The following TXNDC17 variants were observed in gnomAD, a reference collection of about 807,000 sequenced individuals.
The protein encoded by TXNDC17 is thioredoxin domain-containing protein 17.
In TXNDC17, 12 loss-of-function variants were observed where a neutral mutation model predicts 16.3. That is an observed-to-expected ratio of 0.74 (90% confidence interval 0.47 to 1.19). The LOEUF is 1.19. Ranked by LOEUF, TXNDC17 falls within the 50% of genes most tolerant of loss-of-function variation. The pLI, the probability that TXNDC17 is intolerant of heterozygous loss-of-function variation, is 0.00. For missense variants in TXNDC17, 158 were observed against 149.7 expected, an observed-to-expected ratio of 1.06 and a Z score of -0.29; for synonymous variants, 62 against 55.0, an observed-to-expected ratio of 1.13 and a Z score of -0.56.
chr17:6,644,075 G>C lies in TXNDC17; in HGVS notation c.*1056G>C, dbSNP rs1972732425. ...AGTAGAGTGGTAGAGTAGTTGATCT[G>C]AGACAGTAAGGTTCCAGGAGATGGT... On this transcript the variant is annotated 3_prime_UTR_variant, in exon 4 of 4. Coordinates refer to ENST00000250101, the MANE Select transcript of TXNDC17 (RefSeq NM_032731.4). 2.5e-6 allele frequency: 1 copy of C among 407,554 alleles called. No homozygotes were observed. The allele number at this position is 407,554 out of a possible 1,614,324, so 25.2% of individuals were successfully genotyped here. A position where few individuals can be genotyped will look rare whatever the true frequency, so the allele number is the denominator to read the frequency against.
rs755423824 is a variant in TXNDC17, at chr17:6,642,339, A to G, written c.303+15A>G. The G allele has an allele frequency of 1.3e-6, 2 of 1,544,466 alleles. No individual in the cohort carries two copies. Among genetic ancestry groups the G allele is most frequent in the South Asian group, 1.2e-5 (1 of 85,770 alleles). On this transcript the variant is annotated intron_variant, in intron 3 of 3. Coordinates refer to ENST00000250101, the MANE Select transcript of TXNDC17 (RefSeq NM_032731.4). Reference sequence around the variant, plus strand: ...AGTATGGAACAGTAAGTATCTTTAAATATGCTGGGCCTGTAATTCACTGTC... The same window carrying G: ...AGTATGGAACAGTAAGTATCTTTAAGTATGCTGGGCCTGTAATTCACTGTC...
chr17:6,641,177 C>T lies in TXNDC17; in HGVS notation c.95C>T (p.Thr32Met). 1 of 1,613,752 alleles carries T rather than the reference C, an allele frequency of 6.2e-7. No homozygotes were observed. ...HNGKTIFAYF[T>M]GSKDAGGKSW... ...GGCAAGACCATTTTCGCCTACTTTA[C>T]GGGTTCTAAGGACGCCGGGGGGAAA... is the stretch of plus-strand genomic sequence containing the variant. Residue 32 changes from threonine to methionine, a missense_variant, in exon 1 of 4, where the codon ACG becomes ATG. Coordinates refer to ENST00000250101, the MANE Select transcript of TXNDC17 (RefSeq NM_032731.4).
rs973512283 is a variant in TXNDC17 at position 6,641,399 on chromosome 17, C to T, written c.145+172C>T. 89 of 979,304 alleles carry T rather than the reference C, an allele frequency of 9.1e-5. No homozygotes were observed. The Middle Eastern group carries it at 9.9e-4, about 11-fold the overall frequency. 60.7% of individuals were successfully genotyped at this position (979,304 alleles called of 1,614,324 possible). ...ATCCTACCCCGCCCTGCCAAGAGCG[C>T]TCTTCCTTTTACCACCTTACCCGGA... On this transcript the variant is annotated intron_variant, in intron 1 of 3. Coordinates refer to ENST00000250101, the MANE Select transcript of TXNDC17 (RefSeq NM_032731.4).
intron 2 of TXNDC17, 110 bp downstream of exon 2, chr17:6,641,944 C>A: frequency 1.1e-6 from 1 of 947,656 alleles, no homozygotes; most frequent in South Asian, 1.4e-5. Flanking sequence ...TAATGTCTGA[C>A]AAGTTAAACA....
At chr17:6,642,371 CTT>C (rs750425396) in intron 3 of TXNDC17, 47 bp downstream of exon 3, 4 of 1,289,642 alleles carry the variant, frequency 3.1e-6, no homozygotes, top group Non-Finnish European at 3.3e-6. Flanking sequence ...TGTCAGAACT[CTT>C]TTAACTTGCT....
intron 3 of TXNDC17, chr17:6,642,654 C>T (rs911866850): frequency 2.2e-6 from 1 of 457,388 alleles, no homozygotes; most frequent in Non-Finnish European, 3.9e-6. Context: ...AGTCATGCCC[C>T]TGGGATCCTA....
intron 1 of TXNDC17, chr17:6,641,534 G>A (rs1972666985): frequency 6.3e-6 from 4 of 636,314 alleles, no homozygotes; most frequent in Non-Finnish European, 8.1e-6. Context: ...TGTTACGGGC[G>A]CGGTGGTGCA....
At position 6,643,137 on chromosome 17, in the gene TXNDC17, A is replaced by G. The variant is rs72835775; in HGVS notation, c.*118A>G. 0.09 allele frequency: 75,780 copies of G among 843,952 alleles called. 3,946 individuals carry two copies. The highest frequency in any genetic ancestry group is 0.11 in the Non-Finnish European group (55,012 of 518,892). 52.3% of individuals were successfully genotyped at this position (843,952 alleles called of 1,614,324 possible). A position where few individuals can be genotyped will look rare whatever the true frequency, so the allele number is the denominator to read the frequency against. ...ATGTTAAAAAAACTGGCATGTGTCT[A>G]AACAATAGAGTGCTATTAAAATGCC... On this transcript the variant is annotated 3_prime_UTR_variant, in exon 4 of 4. Transcript: ENST00000250101.
At chr17:6,641,897 G>A in intron 2 of TXNDC17, 63 bp downstream of exon 2, 4 of 1,453,466 alleles carry the variant, frequency 2.8e-6, no homozygotes, top group Non-Finnish European at 3.9e-6. Flanking sequence ...GGCGGGAAGG[G>A]CCTCAGGGAC....
intron 3 of TXNDC17, chr17:6,642,714 T>TGGAGC: frequency 1.9e-6 from 1 of 533,276 alleles, no homozygotes. Context: ...CTGTCTCCTG[T>TGGAGC]TTTAGTCTGT....
chr17:6,643,267 G>T lies in TXNDC17; in HGVS notation c.*248G>T. 1 of 379,568 alleles carries T rather than the reference G, an allele frequency of 2.6e-6. No homozygotes were observed. The highest frequency in any genetic ancestry group is 4.8e-6 in the Non-Finnish European group (1 of 209,484). The allele number at this position is 379,568 out of a possible 1,614,324, so 23.5% of individuals were successfully genotyped here. A position where few individuals can be genotyped will look rare whatever the true frequency, so the allele number is the denominator to read the frequency against. On this transcript the variant is annotated 3_prime_UTR_variant, in exon 4 of 4. Transcript: ENST00000250101. ...AAGGAACGTATTCTTGAAGGTGACG[G>T]AAATACCTAAAAACTCCTAAAGGTG...
At chr17:6,642,890 C>T in intron 3 of TXNDC17, 61 bp from the exon 4 acceptor site, 2 of 1,256,182 alleles carry the variant, frequency 1.6e-6, no homozygotes, top group Non-Finnish European at 2.3e-6. Flanking sequence ...AGGCAGAACT[C>T]ATTCCACTCC....
rs745412643 is a variant in TXNDC17 at position 6,644,498 on chromosome 17, T to C, written c.*1479T>C. The stretch of plus-strand genomic sequence containing the variant: ...TCCCGATGTGTTATTTTGCTGTTGC[T>C]GCTCTGCCAAGGCTTGCTGAAGGCG... On this transcript the variant is annotated 3_prime_UTR_variant, in exon 4 of 4. Coordinates refer to ENST00000250101, the MANE Select transcript of TXNDC17 (RefSeq NM_032731.4). 2 of 1,606,114 alleles carry C rather than the reference T, an allele frequency of 1.2e-6. No individual in the cohort carries two copies. The highest frequency in any genetic ancestry group is 4.5e-5 in the East Asian group (2 of 44,818).
intron 3 of TXNDC17, 194 bp downstream of exon 3, chr17:6,642,518 T>G (rs1431975228): frequency 3.9e-6 from 2 of 510,888 alleles, no homozygotes; most frequent in Non-Finnish European, 7.0e-6. Flanking sequence ...GTCTTTTTCA[T>G]GTTAAGTCAC....
intron 3 of TXNDC17, 131 bp from the exon 4 acceptor site, chr17:6,642,820 A>G (rs1299326598): frequency 7.4e-6 from 5 of 676,900 alleles, no homozygotes; most frequent in Non-Finnish European, 1.0e-5. Context: ...AAAACTTGTT[A>G]TAACTAGATG....
At chr17:6,641,984 T>C in intron 2 of TXNDC17, 150 bp downstream of exon 2, 1 of 779,180 alleles carries the variant, frequency 1.3e-6, no homozygotes, top group African/African-American at 1.7e-5. Context: ...AAATTTAAAA[T>C]GCCCACCTGA....
Position 6,641,163 on chromosome 17 carries a change from T to A in TXNDC17, c.81T>A (p.Ile27=). 1 of 1,613,756 alleles carries A rather than the reference T, an allele frequency of 6.2e-7. No homozygotes were observed. ...RAVEQHNGKT[I]FAYFTGSKDA... Reference sequence around the variant, plus strand: ...TGGAACAGCACAATGGCAAGACCATTTTCGCCTACTTTACGGGTTCTAAGG... The same window carrying A: ...TGGAACAGCACAATGGCAAGACCATATTCGCCTACTTTACGGGTTCTAAGG... The change falls in exon 1 of 4, where the codon ATT becomes ATA. Residue 27 remains isoleucine (I), a synonymous_variant. Transcript: ENST00000250101.
chr17:6,642,428 ATTG>A (rs1450507385), intron 3 of TXNDC17, 104 bp downstream of exon 3: 7 of 815,370 alleles, frequency 8.6e-6, no homozygotes, highest in South Asian at 5.3e-5. Flanking sequence ...TCTCAATTCC[ATTG>A]TTGTTCAGAG....
In TXNDC17 at chr17:6,644,408, A is replaced by T; in HGVS notation, c.*1389A>T. ...AAGAGTTTTCATTTTTTTTGTCTTC[A>T]CTGTACAAAAGAAATACATTATATA... On this transcript the variant is annotated 3_prime_UTR_variant, in exon 4 of 4. Transcript: ENST00000250101. 3 of 1,476,004 alleles carry T rather than the reference A, an allele frequency of 2.0e-6. No individual in the cohort carries two copies. The highest frequency in any genetic ancestry group is 1.4e-5 in the African/African-American group (1 of 70,604). The allele number at this position is 1,476,004 out of a possible 1,614,324, so 91.4% of individuals were successfully genotyped here. A position where few individuals can be genotyped will look rare whatever the true frequency, so the allele number is the denominator to read the frequency against.
Sources: gnomAD v4.1 joint callset for allele counts on GRCh38, gnomAD v4.1.1 for gene constraint, MANE v1.5 for transcripts, NCBI Gene and HGNC (gene_info 2026-07-23, HGNC 2026-07-21) for gene names.